PIEZO2: variants seen among roughly 807,000 people sequenced by gnomAD.
The protein encoded by PIEZO2 is piezo type mechanosensitive ion channel component 2.
In PIEZO2, 172 loss-of-function variants were observed where a neutral mutation model predicts 337.3. That is an observed-to-expected ratio of 0.51 (90% CI 0.45 to 0.58). The LOEUF (loss-of-function observed/expected upper bound fraction) is 0.58. Among genes scored for constraint, PIEZO2 ranks in the 20% least tolerant of loss-of-function variants. The pLI is 0.00. For missense variants in PIEZO2, 3,028 were observed against 3,391.3 expected (o/e 0.89, Z 2.66); for synonymous variants, 1,251 against 1,228.5 (o/e 1.02, Z -0.38).
chr18:10,759,598 G>A lies in PIEZO2; in HGVS notation c.3656-15C>T. ...CCACGGGTAATCTGCAGGGAGGGAA[G>A]TGGCGAACAGCACAATCAATACTCT... On this transcript the variant is annotated splice_polypyrimidine_tract_variant and intron_variant, in intron 25 of 55. Coordinates refer to ENST00000674853, the MANE Select transcript of PIEZO2 (RefSeq NM_001378183.1). This position sits in a 1 kb window ranked among gnomAD's most constrained non-coding sequence, Gnocchi z 5.5. 1 of 1,535,748 alleles carries A rather than the reference G, an allele frequency of 6.5e-7. No homozygotes were observed. The highest frequency in any genetic ancestry group is 8.7e-7 in the Non-Finnish European group (1 of 1,145,482).
chr18:10,683,654 C>T (rs2034378060), intron 49 of PIEZO2, among the ~76,000 whole-genome samples: 1 of 152,194 alleles, frequency 6.6e-6, no homozygotes, highest in Admixed American at 6.5e-5. Flanking sequence ...TACACACATA[C>T]ATGCTTCCAC....
At chr18:10,958,010 T>C (rs1371061629) in intron 3 of PIEZO2, among the ~76,000 whole-genome samples, 1 of 152,142 alleles carries the variant, frequency 6.6e-6, no homozygotes, top group African/African-American at 2.4e-5. Context: ...AGATAAAAGA[T>C]AACAAATGTT....
At chr18:10,832,361 A>T (rs1237039258) in intron 7 of PIEZO2, among the ~76,000 whole-genome samples, 1 of 152,206 alleles carries the variant, frequency 6.6e-6, no homozygotes, top group Non-Finnish European at 1.5e-5. Flanking sequence ...GGGCTACCAC[A>T]TGTAGACAAG....
intron 47 of PIEZO2, 99 bp from the exon 48 acceptor site, chr18:10,691,482 C>T: frequency 3.2e-6 from 4 of 1,239,058 alleles, no homozygotes; most frequent in Non-Finnish European, 4.5e-6. Context: ...AGAATTTCCC[C>T]TTCATCATTC....
rs1017177176 is a variant in PIEZO2, at chr18:10,819,539, C to T, written c.918-12265G>A. ...TTAATGCTGACTGCTCTATCAATGTCGAACATGTCACTTAACAAAAAATCC... is the reference window on the plus strand; with the variant it reads ...TTAATGCTGACTGCTCTATCAATGTTGAACATGTCACTTAACAAAAAATCC... On this transcript the variant is annotated intron_variant, in intron 7 of 55. Transcript: ENST00000674853. This position sits in a 1 kb window ranked among gnomAD's most constrained non-coding sequence, Gnocchi z 4.3. Among the ~76,000 whole-genome samples, 6 of 152,100 alleles carry T rather than the reference C, an allele frequency of 3.9e-5. No individual in the cohort carries two copies. The highest frequency in any genetic ancestry group is 9.7e-5 in the African/African-American group (4 of 41,420).
rs1211806604 is a variant in PIEZO2, at chr18:10,767,209, C to T, written c.2946+2939G>A. On this transcript the variant is annotated intron_variant, in intron 21 of 55. Coordinates refer to ENST00000674853, the MANE Select transcript of PIEZO2 (RefSeq NM_001378183.1). The surrounding 1 kb of genome is among the most constrained non-coding windows in gnomAD (Gnocchi z 4.2). ...ATGTATACTATATATATATTTAAAT[C>T]TAGATTATTCCAAAGCAGTGTCACT... Among the ~76,000 whole-genome samples the T allele has an allele frequency of 6.6e-6, 1 of 152,098 alleles. No individual in the cohort carries two copies. The highest frequency in any genetic ancestry group is 1.5e-5 in the Non-Finnish European group (1 of 68,018).
At chr18:10,886,477 ATATCCAAACC>A in intron 4 of PIEZO2, among the ~76,000 whole-genome samples, 1 of 9,174 alleles carries the variant, frequency 1.1e-4, no homozygotes, top group African/African-American at 7.1e-4. Flanking sequence ...GTGGGGACAA[ATATCCAAACC>A]ATATATATAT....
In PIEZO2 at chr18:10,795,450, G is replaced by T. The variant is rs1420952205; in HGVS notation, c.1528-448C>A. ...TTAAAGAAAAGACCAAACTTATCTG[G>T]CTTAGAGAGAAAAAAAAATGGTATA... On this transcript the variant is annotated intron_variant, in intron 12 of 55. Transcript: ENST00000674853. The surrounding 1 kb of genome is among the most constrained non-coding windows in gnomAD (Gnocchi z 4.4). Among the ~76,000 whole-genome samples, 5 of 149,710 alleles carry T rather than the reference G, an allele frequency of 3.3e-5. No homozygotes were observed. Among genetic ancestry groups the T allele is most frequent in the African/African-American group, 7.4e-5 (3 of 40,494 alleles).
At position 10,855,702 on chromosome 18, in the gene PIEZO2, T is replaced by A; in HGVS notation, c.704-136A>T. On this transcript the variant is annotated intron_variant, in intron 6 of 55. Coordinates refer to ENST00000674853, the MANE Select transcript of PIEZO2 (RefSeq NM_001378183.1). The surrounding 1 kb of genome is among the most constrained non-coding windows in gnomAD (Gnocchi z 4.9). ...TTTTTAAAATAGTAATTTTTAAAAA[T>A]CATGTTTGATTTATATAATAAAAAT... is the stretch of plus-strand genomic sequence containing the variant. The A allele has an allele frequency of 1.4e-6, 1 of 691,186 alleles. No individual in the cohort carries two copies. Among genetic ancestry groups the A allele is most frequent in the Non-Finnish European group, 2.3e-6 (1 of 426,260 alleles). The allele number at this position is 691,186 out of a possible 1,614,324, so 42.8% of individuals were successfully genotyped here. A position where few individuals can be genotyped will look rare whatever the true frequency, so the allele number is the denominator to read the frequency against.
intron 51 of PIEZO2, 92 bp from the exon 52 acceptor site, chr18:10,680,463 G>C: frequency 8.3e-7 from 1 of 1,198,048 alleles, no homozygotes; most frequent in Non-Finnish European, 1.2e-6. Context: ...TGGCAGTATG[G>C]AAAAGGTTTC....
intron 47 of PIEZO2, among the ~76,000 whole-genome samples, chr18:10,691,782 C>CATATATATATATATATT: frequency 1.0e-5 from 1 of 96,644 alleles, no homozygotes; most frequent in South Asian, 4.0e-4. Context: ...CACACACACA[C>CATATATATATATATATT]ATATATATAT....
intron 2 of PIEZO2, among the ~76,000 whole-genome samples, chr18:11,055,327 GCAACTC>G (rs1196800544): frequency 6.6e-6 from 1 of 152,110 alleles, no homozygotes; most frequent in Non-Finnish European, 1.5e-5. Flanking sequence ...GGCAGGGTGT[GCAACTC>G]CAGCTCTTGC....
intron 5 of PIEZO2, among the ~76,000 whole-genome samples, chr18:10,869,850 A>T (rs1436063758): frequency 6.6e-6 from 1 of 152,180 alleles, no homozygotes; most frequent in African/African-American, 2.4e-5. Context: ...AGGTGATTGC[A>T]TATCTTTTAC....
chr18:10,902,410 A>T (rs1400149375), intron 4 of PIEZO2, among the ~76,000 whole-genome samples: 2 of 152,182 alleles, frequency 1.3e-5, no homozygotes, highest in Non-Finnish European at 2.9e-5. Flanking sequence ...AAATACACTG[A>T]TATCTGCATC....
At chr18:10,814,128 C>T (rs1370786759) in intron 7 of PIEZO2, among the ~76,000 whole-genome samples, 1 of 151,950 alleles carries the variant, frequency 6.6e-6, no homozygotes, top group East Asian at 1.9e-4. Context: ...CCACCACGCC[C>T]AGCTAATTTT....
intron 4 of PIEZO2, among the ~76,000 whole-genome samples, chr18:10,890,314 A>G (rs977790412): frequency 6.6e-6 from 1 of 152,228 alleles, no homozygotes; most frequent in African/African-American, 2.4e-5. Flanking sequence ...TCATTTGTCA[A>G]TGTGGCTGAG....
Position 10,670,662 on chromosome 18 carries a change from G to A in PIEZO2, c.*865C>T, listed in dbSNP as rs2033730523. The A allele has an allele frequency of 6.6e-6, 1 of 152,390 alleles. No individual in the cohort carries two copies. Among genetic ancestry groups the A allele is most frequent in the African/African-American group, 2.4e-5 (1 of 41,438 alleles). 9.4% of individuals were successfully genotyped at this position (152,390 alleles called of 1,614,324 possible). ...AGCACGTTAAGGGAAGGGGAAGGCAGAAGAGCGGTCCTGACCTCAGTTATT... is the reference window on the plus strand; with the variant it reads ...AGCACGTTAAGGGAAGGGGAAGGCAAAAGAGCGGTCCTGACCTCAGTTATT... On this transcript the variant is annotated 3_prime_UTR_variant, in exon 56 of 56. Coordinates refer to ENST00000674853, the MANE Select transcript of PIEZO2 (RefSeq NM_001378183.1).
rs773905657 is a variant in PIEZO2 at position 10,677,449 on chromosome 18, C to T, written c.8081+298G>A. 3.5e-6 allele frequency: 1 copy of T among 283,144 alleles called. No homozygotes were observed. Among genetic ancestry groups the T allele is most frequent in the Non-Finnish European group, 6.7e-6 (1 of 150,294 alleles). 17.5% of individuals were successfully genotyped at this position (283,144 alleles called of 1,614,324 possible). A position where few individuals can be genotyped will look rare whatever the true frequency, so the allele number is the denominator to read the frequency against. The stretch of plus-strand genomic sequence containing the variant: ...GTCAGGCTGGTCTTGAACTCCCGAC[C>T]TCAGGGGATCCACCTGTCTCAGCCT... On this transcript the variant is annotated intron_variant, in intron 53 of 55. Transcript: ENST00000674853. This position sits in a 1 kb window ranked among gnomAD's most constrained non-coding sequence, Gnocchi z 4.1.
intron 39 of PIEZO2, among the ~76,000 whole-genome samples, chr18:10,710,658 GC>G (rs2035782847): frequency 6.6e-6 from 1 of 152,204 alleles, no homozygotes; most frequent in Non-Finnish European, 1.5e-5. Flanking sequence ...TAAAATTCAT[GC>G]CACTGGCCTC....
Sources: allele counts gnomAD v4.1 joint callset (sites outside exome capture counted in the v4.1 genomes callset), GRCh38; gene constraint gnomAD v4.1.1; non-coding constraint Gnocchi (gnomAD v3.1); transcripts MANE v1.5; gene names NCBI Gene and HGNC (gene_info 2026-07-23, HGNC 2026-07-21).